The following SRPK1 variants were observed in gnomAD, a reference collection of about 807,000 sequenced individuals.
SRPK1 encodes SRSF protein kinase 1.
A neutral mutation model predicts 89.5 loss-of-function variants in SRPK1; 52 were observed. The ratio of observed to expected loss-of-function variants is 0.58; its 90% CI spans 0.46 to 0.73. The LOEUF is 0.73. Among genes scored for constraint, SRPK1 ranks in the 30% least tolerant of loss-of-function variants. The pLI is 0.00. For synonymous variants in SRPK1, 255 were observed against 270.2 expected (o/e 0.94, Z 0.55); for missense variants, 603 against 780.6 (o/e 0.77, Z 2.71).
At chr6:35,910,097 C>A (rs1307683075) in intron 2 of SRPK1, among the ~76,000 whole-genome samples, 1 of 152,144 alleles carries the variant, frequency 6.6e-6, no homozygotes, top group East Asian at 1.9e-4. Context: ...GATTCTCCTG[C>A]CTCAGCCTCC....
At chr6:35,877,056 A>G (rs754575959) in intron 6 of SRPK1, among the ~76,000 whole-genome samples, 2 of 152,240 alleles carry the variant, frequency 1.3e-5, no homozygotes, top group Non-Finnish European at 2.9e-5. Flanking sequence ...TAGCAGAGGC[A>G]GAGAAGAAAA....
Position 35,921,035 on chromosome 6 carries a change from A to G in SRPK1, c.13+9T>C, listed in dbSNP as rs200178316. Reference sequence around the variant, plus strand: ...TGCCCCTCGTGGCGGAGGCCGCTCCACCGCTCACCTTTCCGCTCCATGGTG... The same window carrying G: ...TGCCCCTCGTGGCGGAGGCCGCTCCGCCGCTCACCTTTCCGCTCCATGGTG... On this transcript the variant is annotated intron_variant, in intron 1 of 15. Coordinates refer to ENST00000373825, the MANE Select transcript of SRPK1 (RefSeq NM_003137.5). 5 of 1,544,892 alleles carry G rather than the reference A, an allele frequency of 3.2e-6. No individual in the cohort carries two copies. The highest frequency in any genetic ancestry group is 4.4e-6 in the Non-Finnish European group (5 of 1,148,160).
Position 35,886,819 on chromosome 6 carries a change from G to C in SRPK1, c.391-8C>G. ...AGGGTCTGAATTGCGAACCTGTAGT[G>C]GGGAAGAGACAGTGTTTAGCACAAG... On this transcript the variant is annotated splice_polypyrimidine_tract_variant and splice_region_variant and intron_variant, in intron 5 of 15. Transcript: ENST00000373825. 11 of 1,554,602 alleles carry C rather than the reference G, an allele frequency of 7.1e-6. No individual in the cohort carries two copies. The highest frequency in any genetic ancestry group is 9.8e-6 in the Non-Finnish European group (11 of 1,126,596).
At chr6:35,920,175 G>C in intron 2 of SRPK1, 1 of 544,634 alleles carries the variant, frequency 1.8e-6, no homozygotes, top group Non-Finnish European at 3.5e-6. Context: ...TCCAAGCTAG[G>C]GGAGTTTGTG....
chr6:35,856,303 G>A (rs1053664280), intron 13 of SRPK1, among the ~76,000 whole-genome samples: 3 of 151,768 alleles, frequency 2.0e-5, no homozygotes, highest in Non-Finnish European at 4.4e-5. Flanking sequence ...CATTTAGTAC[G>A]CTCTCAGACT....
chr6:35,849,230 TA>T (rs1274496447), intron 13 of SRPK1, among the ~76,000 whole-genome samples: 6 of 150,680 alleles, frequency 4.0e-5, no homozygotes, highest in South Asian at 2.1e-4. Context: ...ACAGATCTAT[TA>T]AAAAAAAAGC....
chr6:35,852,873 G>T, intron 13 of SRPK1, among the ~76,000 whole-genome samples: 1 of 152,116 alleles, frequency 6.6e-6, no homozygotes, highest in Middle Eastern at 3.2e-3. Flanking sequence ...GTGTCTGCAG[G>T]TTCCACATGC....
At chr6:35,838,973 G>A (rs1248490026) in intron 14 of SRPK1, 1 of 529,088 alleles carries the variant, frequency 1.9e-6, no homozygotes, top group Non-Finnish European at 2.9e-6. Context: ...TCACCCGATA[G>A]TGTCTGGCAA....
In SRPK1 at chr6:35,880,746, A is replaced by AAAAAAAAAGAAAGAAAG. The variant is rs1770263877; in HGVS notation, c.478+5977_478+5978insCTTTCTTTCTTTTTTTT. Among the ~76,000 whole-genome samples the AAAAAAAAAGAAAGAAAG allele has an allele frequency of 5.3e-4, 47 of 89,216 alleles. 3 individuals carry two copies. The highest frequency in any genetic ancestry group is 1.0e-3 in the African/African-American group (22 of 22,094). 58.5% of individuals were successfully genotyped at this position (89,216 alleles called of 152,430 possible). On this transcript the variant is annotated intron_variant, in intron 6 of 15. Coordinates refer to ENST00000373825, the MANE Select transcript of SRPK1 (RefSeq NM_003137.5). ...AAAAAAAAAAAAAAGAAAAAAAAAAAAAAAGAAAAGAAAAGAAGAAGAAAT... is the reference window on the plus strand; with the variant it reads ...AAAAAAAAAAAAAAGAAAAAAAAAAAAAAAAAAAGAAAGAAAGAAAAGAAAAGAAAAGAAGAAGAAAT...
chr6:35,902,894 T>C (rs1016216131), intron 2 of SRPK1, among the ~76,000 whole-genome samples: 2 of 152,186 alleles, frequency 1.3e-5, no homozygotes, highest in African/African-American at 2.4e-5. Context: ...CAAGCTCATA[T>C]GTAGGTAGAA....
At position 35,869,853 on chromosome 6, in the gene SRPK1, G is replaced by T. The variant is rs201807680; in HGVS notation, c.1040C>A (p.Thr347Lys). 4 of 1,603,236 alleles carry T rather than the reference G, an allele frequency of 2.5e-6. No individual in the cohort carries two copies. The highest frequency in any genetic ancestry group is 3.4e-6 in the Non-Finnish European group (4 of 1,174,774). ...ATTAATTTCTGCTGCACCACCCTCT[G>T]TATCACGTTCCATAAGCGTTTGATC... ...GQDQTLMERD[T>K]EGGAAEINCN... is the part of the protein sequence containing the mutation. The change falls in exon 11 of 16, where the codon ACA becomes AAA. Residue 347 changes from threonine (T) to lysine (K), a missense_variant. Physicochemically the swap from Thr to Lys is moderately conservative, Grantham distance 78 (BLOSUM62 -1). Transcript: ENST00000373825.
intron 2 of SRPK1, among the ~76,000 whole-genome samples, chr6:35,906,645 G>A (rs574506535): frequency 6.6e-6 from 1 of 152,334 alleles, no homozygotes; most frequent in South Asian, 2.1e-4. Flanking sequence ...GCTGCCTAAG[G>A]TTGAAGGTGA....
chr6:35,896,867 T>A (rs567118713), intron 2 of SRPK1, among the ~76,000 whole-genome samples: 231 of 152,334 alleles, frequency 1.5e-3, no homozygotes, highest in African/African-American at 5.4e-3. Context: ...AAAATTCATA[T>A]ATCTATACAT....
intron 2 of SRPK1, among the ~76,000 whole-genome samples, chr6:35,915,619 A>T (rs2127270851): frequency 6.6e-6 from 1 of 152,246 alleles, no homozygotes; most frequent in Admixed American, 6.5e-5. Context: ...ATACACGAAA[A>T]ATACTCATGA....
At chr6:35,850,317 A>C (rs1166682490) in intron 13 of SRPK1, among the ~76,000 whole-genome samples, 2 of 152,202 alleles carry the variant, frequency 1.3e-5, no homozygotes, top group Non-Finnish European at 2.9e-5. Flanking sequence ...TTAGATATGG[A>C]GAAGTAACAT....
chr6:35,914,205 G>A (rs1227106134), intron 2 of SRPK1, among the ~76,000 whole-genome samples: 1 of 151,752 alleles, frequency 6.6e-6, no homozygotes, highest in Non-Finnish European at 1.5e-5. Context: ...TCGAACTCCC[G>A]ACCTTGGGTG....
chr6:35,920,901 G>T, intron 1 of SRPK1, 143 bp downstream of exon 1: 2 of 853,656 alleles, frequency 2.3e-6, no homozygotes, highest in South Asian at 3.7e-5. Context: ...AGAGGCAGGG[G>T]GTGTGGGGCG....
chr6:35,857,012 C>T (rs1051958490), intron 13 of SRPK1: 8 of 403,940 alleles, frequency 2.0e-5, no homozygotes, highest in African/African-American at 8.2e-5. Context: ...TTCATTATTT[C>T]CCCCCACTAA....
rs1482739036 is a variant in SRPK1 at position 35,915,993 on chromosome 6, TATATACAC to T, written c.74+4467_74+4474del. ...TCTCAAAAACAAAAAAAAAAAAAAA[TATATACAC>T]ACACACACACACACACACACACACA... is the stretch of plus-strand genomic sequence containing the variant. On this transcript the variant is annotated intron_variant, in intron 2 of 15. Transcript: ENST00000373825. Among the ~76,000 whole-genome samples, 16 of 51,210 alleles carry T rather than the reference TATATACAC, an allele frequency of 3.1e-4. 1 individual carries two copies. Among genetic ancestry groups the T allele is most frequent in the African/African-American group, 1.1e-3 (14 of 12,370 alleles). The allele number at this position is 51,210 out of a possible 152,430, so 33.6% of individuals were successfully genotyped here.
Sources: allele counts gnomAD v4.1 joint callset (sites outside exome capture counted in the v4.1 genomes callset), GRCh38; gene constraint gnomAD v4.1.1; transcripts MANE v1.5; gene names NCBI Gene and HGNC (gene_info 2026-07-23, HGNC 2026-07-21).